The following OSBPL10 variants were observed in gnomAD, a reference collection of about 807,000 sequenced individuals.
The protein encoded by OSBPL10 is oxysterol-binding protein-related protein 10.
In OSBPL10, 49 loss-of-function variants were observed where a neutral mutation model predicts 81.7. The observed-to-expected ratio is 0.60, with a 90% CI of 0.48 to 0.76. The LOEUF is 0.76. Among genes scored for constraint, OSBPL10 ranks in the 30% least tolerant of loss-of-function variants. OSBPL10 has a pLI of 0.00. For missense variants in OSBPL10, 923 were observed against 987.8 expected (o/e 0.93, Z 0.88); for synonymous variants, 419 against 383.6 (o/e 1.09, Z -1.08).
chr3:32,043,933 A>C, intron 2 of OSBPL10, among the ~76,000 whole-genome samples: 1 of 152,116 alleles, frequency 6.6e-6, no homozygotes, highest in Admixed American at 6.6e-5. Context: ...GGGAGGGGGC[A>C]AGGGCTGAAA....
chr3:31,676,478 T>C (rs1575468640), intron 8 of OSBPL10, among the ~76,000 whole-genome samples: 1 of 152,074 alleles, frequency 6.6e-6, no homozygotes, highest in African/African-American at 2.4e-5. Flanking sequence ...TTCCACAAAT[T>C]GATTCGCCAA....
intron 1 of OSBPL10, among the ~76,000 whole-genome samples, chr3:31,934,790 G>A (rs1401928890): frequency 6.6e-6 from 1 of 152,088 alleles, no homozygotes; most frequent in Non-Finnish European, 1.5e-5. Flanking sequence ...GGATATCCAC[G>A]GTTAACATAA....
At chr3:31,746,033 TGTTA>T (rs1285187048) in intron 5 of OSBPL10, among the ~76,000 whole-genome samples, 1 of 152,214 alleles carries the variant, frequency 6.6e-6, no homozygotes, top group Non-Finnish European at 1.5e-5. Context: ...GCTGTTATTC[TGTTA>T]ATTATACTTT....
chr3:31,759,870 G>A (rs4955196), intron 4 of OSBPL10, among the ~76,000 whole-genome samples: 95,631 of 151,834 alleles, frequency 0.63, 32,238 homozygotes, highest in East Asian at 0.84. Context: ...AGTAATTCTC[G>A]TGCCTCAGCC....
At chr3:31,924,112 G>A (rs1696997795) in intron 1 of OSBPL10, among the ~76,000 whole-genome samples, 1 of 151,814 alleles carries the variant, frequency 6.6e-6, no homozygotes, top group Non-Finnish European at 1.5e-5. Context: ...CAGCTACTTG[G>A]GAGGCTGAGG....
intron 1 of OSBPL10, among the ~76,000 whole-genome samples, chr3:31,950,984 T>C (rs369431195): frequency 5.9e-5 from 9 of 152,182 alleles, no homozygotes; most frequent in African/African-American, 2.2e-4. Flanking sequence ...AATTACCCAG[T>C]CTCAGATATT....
At chr3:32,026,015 G>GATAGATAGATAGATAA (rs1699403069) in intron 2 of OSBPL10, among the ~76,000 whole-genome samples, 1 of 107,102 alleles carries the variant, frequency 9.3e-6, no homozygotes, top group African/African-American at 3.7e-5. Flanking sequence ...TACAGACATA[G>GATAGATAGATAGATAA]ATAGATAGAT....
chr3:31,828,430 A>G (rs1300827793), intron 4 of OSBPL10, among the ~76,000 whole-genome samples: 5 of 152,242 alleles, frequency 3.3e-5, no homozygotes, highest in African/African-American at 1.2e-4. Context: ...TTTCCATTAT[A>G]CAATGTTTTG....
Position 31,747,909 on chromosome 3 carries a change from C to A in OSBPL10, c.940+1G>T, listed in dbSNP as rs1443650908. The stretch of plus-strand genomic sequence containing the variant: ...CATGGACAAGCCCCCGGGGGTCTTA[C>A]CCGAGGCTCCTGGCTTCTGGCTGGG... On this transcript the variant is annotated splice_donor_variant, in intron 5 of 11. Transcript: ENST00000396556. LOFTEE classifies it high-confidence loss of function. 4 of 1,612,992 alleles carry A rather than the reference C, an allele frequency of 2.5e-6. No individual in the cohort carries two copies. The highest frequency in any genetic ancestry group is 2.5e-6 in the Non-Finnish European group (3 of 1,180,002).
At chr3:31,667,788 A>G (rs1196385064) in intron 10 of OSBPL10, among the ~76,000 whole-genome samples, 1 of 152,248 alleles carries the variant, frequency 6.6e-6, no homozygotes, top group Admixed American at 6.5e-5. Context: ...TGTTCCAATA[A>G]AACTTTATTT....
intron 4 of OSBPL10, among the ~76,000 whole-genome samples, chr3:31,783,823 AATATATATATATATATATATATAT>A (rs60886858): frequency 3.0e-4 from 5 of 16,740 alleles, no homozygotes; most frequent in Admixed American, 8.4e-4. Context: ...AAAAAAAAAA[AATATATATATATATATATATATAT>A]ATATATATAT....
rs199991004 is a variant in OSBPL10 at position 31,867,350 on chromosome 3, G to GA, written c.537+9082dup. 5.3e-4 allele frequency among the ~76,000 whole-genome samples: 80 copies of GA among 151,458 alleles called. 2 individuals are homozygous for GA. In the East Asian group the frequency reaches 0.015, roughly 27 times the overall value. On this transcript the variant is annotated intron_variant, in intron 3 of 11. Coordinates refer to ENST00000396556, the MANE Select transcript of OSBPL10 (RefSeq NM_017784.5). Reference sequence around the variant, plus strand: ...TTTCTTGCTTTTTTATCCATAGATGGAAAAAAAAAGTTGCTGTGCTTTCCA... The same window carrying GA: ...TTTCTTGCTTTTTTATCCATAGATGGAAAAAAAAAAGTTGCTGTGCTTTCCA...
Position 31,981,211 on chromosome 3 carries a change from C to A in OSBPL10, c.-32G>T. 7.3e-7 allele frequency: 1 copy of A among 1,367,922 alleles called. No homozygotes were observed. The highest frequency in any genetic ancestry group is 1.8e-5 in the South Asian group (1 of 56,962). 84.7% of individuals were successfully genotyped at this position (1,367,922 alleles called of 1,614,324 possible). On this transcript the variant is annotated 5_prime_UTR_variant, in exon 1 of 12. Transcript: ENST00000396556. The surrounding 1 kb of genome is among the most constrained non-coding windows in gnomAD (Gnocchi z 4.5). ...TGGGCGCCCGGGACGCGGGTGCCCG[C>A]CGCGGTGGCGGCCCCGGCACGGCGG...
chr3:31,989,118 G>A, intron 2 of OSBPL10: 1 of 1,614,118 alleles, frequency 6.2e-7, no homozygotes, highest in Non-Finnish European at 8.5e-7. Context: ...GGAAAGAAAA[G>A]GAGCCAGGCA....
At chr3:31,792,233 A>AC (rs1699030541) in intron 4 of OSBPL10, among the ~76,000 whole-genome samples, 1 of 152,110 alleles carries the variant, frequency 6.6e-6, no homozygotes, top group African/African-American at 2.4e-5. Context: ...TCCAAAAAAA[A>AC]AAAAATGATA....
chr3:31,908,743 C>T (rs1421940688), intron 1 of OSBPL10, among the ~76,000 whole-genome samples: 1 of 152,178 alleles, frequency 6.6e-6, no homozygotes, highest in African/African-American at 2.4e-5. Context: ...ATATAACAGT[C>T]CATTTCCATA....
At chr3:31,891,008 G>C (rs1695877983) in intron 1 of OSBPL10, among the ~76,000 whole-genome samples, 2 of 152,084 alleles carry the variant, frequency 1.3e-5, no homozygotes, top group African/African-American at 2.4e-5. Context: ...CCAAGAGCAA[G>C]AGAGATGGGA....
intron 1 of OSBPL10, among the ~76,000 whole-genome samples, chr3:31,932,755 T>G (rs1575043318): frequency 6.6e-6 from 1 of 152,088 alleles, no homozygotes; most frequent in Non-Finnish European, 1.5e-5. Context: ...ACAGCTTTCA[T>G]GAAAACAATG....
chr3:31,687,510 T>G (rs1162701989), intron 7 of OSBPL10, among the ~76,000 whole-genome samples: 1 of 152,134 alleles, frequency 6.6e-6, no homozygotes, highest in Non-Finnish European at 1.5e-5. Flanking sequence ...AGAACTCCAC[T>G]TGGAACCCTG....
Sources: gnomAD v4.1 joint callset for allele counts (sites outside exome capture counted in the v4.1 genomes callset) on GRCh38, gnomAD v4.1.1 for gene constraint, Gnocchi (gnomAD v3.1) non-coding constraint, MANE v1.5 for transcripts, NCBI Gene and HGNC (gene_info 2026-07-23, HGNC 2026-07-21) for gene names.